Variants in PMM2 observed in about 807,000 individuals in gnomAD.
The protein encoded by PMM2 is mannose-6-phosphate isomerase.
A neutral mutation model predicts 33.2 loss-of-function variants in PMM2; 35 were observed. That is an observed-to-expected ratio of 1.06 (90% CI 0.81 to 1.40). PMM2 has a LOEUF of 1.40. Among genes scored for constraint, PMM2 ranks in the 40% most tolerant of loss-of-function variants. The pLI is 0.00. For missense variants in PMM2, 386 were observed against 306.0 expected, an observed-to-expected ratio of 1.26 and a Z score of -1.95; for synonymous variants, 153 against 114.7, an observed-to-expected ratio of 1.33 and a Z score of -2.13.
At chr16:8,838,406 G>A (rs561113069) in intron 7 of PMM2, among the ~76,000 whole-genome samples, 2 of 152,132 alleles carry the variant, frequency 1.3e-5, no homozygotes, top group African/African-American at 4.8e-5. Flanking sequence ...TGACATTCCT[G>A]CCTTCTTATG....
Position 8,825,120 on chromosome 16 carries a change from T to G in PMM2, c.639+12014T>G, listed in dbSNP as rs375725139. ...ATCTCAGCTCACTGCAAGCTCTATC[T>G]CCTGGGTTCATGCCATTCTCCTGCT... On this transcript the variant is annotated intron_variant, in intron 7 of 7. Transcript: ENST00000268261. Among the ~76,000 whole-genome samples, 57 of 152,308 alleles carry G rather than the reference T, an allele frequency of 3.7e-4. No homozygotes were observed. The East Asian group carries it at 4.1e-3, about 11-fold the overall frequency.
chr16:8,840,847 A>G (rs2060885316), intron 7 of PMM2, among the ~76,000 whole-genome samples: 1 of 151,926 alleles, frequency 6.6e-6, no homozygotes, highest in Non-Finnish European at 1.5e-5. Flanking sequence ...TCGTCCAGCT[A>G]GGGTGTCTTC....
At chr16:8,822,265 CTG>C (rs2060743119) in intron 7 of PMM2, among the ~76,000 whole-genome samples, 1 of 152,150 alleles carries the variant, frequency 6.6e-6, no homozygotes, top group South Asian at 2.1e-4. Context: ...GATTACCTGT[CTG>C]TGTGGCATCA....
At chr16:8,813,852 T>C (rs2060691688) in intron 7 of PMM2, among the ~76,000 whole-genome samples, 1 of 129,674 alleles carries the variant, frequency 7.7e-6, no homozygotes, top group African/African-American at 2.8e-5. Flanking sequence ...GCTCCTTTTC[T>C]TTCTCTTTTT....
intron 7 of PMM2, among the ~76,000 whole-genome samples, chr16:8,836,042 GT>G (rs2060843713): frequency 6.7e-6 from 1 of 150,304 alleles, no homozygotes; most frequent in Admixed American, 6.6e-5. Flanking sequence ...GCTTAAAAGA[GT>G]AATGTCTAAA....
At chr16:8,811,043 G>GT in intron 4 of PMM2, 36 bp from the exon 5 acceptor site, 1 of 1,282,852 alleles carries the variant, frequency 7.8e-7, no homozygotes, top group Non-Finnish European at 1.1e-6. Context: ...TGAATAACGT[G>GT]TTTTTGGAGA....
At chr16:8,826,513 C>G (rs1220182823) in intron 7 of PMM2, among the ~76,000 whole-genome samples, 1 of 152,176 alleles carries the variant, frequency 6.6e-6, no homozygotes, top group East Asian at 1.9e-4. Flanking sequence ...CACTTATGAC[C>G]TTAAAGCATC....
chr16:8,846,313 G>A (rs886198088), intron 7 of PMM2, among the ~76,000 whole-genome samples: 65 of 152,254 alleles, frequency 4.3e-4, no homozygotes, highest in African/African-American at 1.4e-3. Context: ...TGGTTTCCAC[G>A]TTGGCTTCAT....
chr16:8,826,299 A>T (rs1278014908), intron 7 of PMM2, among the ~76,000 whole-genome samples: 3 of 152,188 alleles, frequency 2.0e-5, no homozygotes, highest in Non-Finnish European at 4.4e-5. Flanking sequence ...TTCTCTTTTA[A>T]AAAAACCCAT....
At chr16:8,804,031 G>GTTTTTTGTTTT (rs778630854) in intron 2 of PMM2, among the ~76,000 whole-genome samples, 4 of 87,488 alleles carry the variant, frequency 4.6e-5, no homozygotes, top group Admixed American at 1.2e-4. Context: ...GGTTTTTTTT[G>GTTTTTTGTTTT]TTTTTTTTTT....
chr16:8,826,101 C>T (rs1221917363), intron 7 of PMM2, among the ~76,000 whole-genome samples: 2 of 152,176 alleles, frequency 1.3e-5, no homozygotes, highest in Non-Finnish European at 2.9e-5. Context: ...GGCCCTGCAT[C>T]AGTATGCTTT....
At chr16:8,846,112 A>G (rs530499204) in intron 7 of PMM2, among the ~76,000 whole-genome samples, 16 of 152,270 alleles carry the variant, frequency 1.1e-4, no homozygotes, top group African/African-American at 3.6e-4. Context: ...AAGAGATGCC[A>G]AGTTCATGGC....
At chr16:8,801,001 T>A (rs1240854449) in intron 1 of PMM2, among the ~76,000 whole-genome samples, 1 of 152,166 alleles carries the variant, frequency 6.6e-6, no homozygotes, top group Admixed American at 6.6e-5. Context: ...CCTCTTTAAT[T>A]TCATTATGTT....
chr16:8,841,516 T>G (rs2060890931), intron 7 of PMM2, among the ~76,000 whole-genome samples: 9 of 133,858 alleles, frequency 6.7e-5, no homozygotes, highest in Non-Finnish European at 9.7e-5. Context: ...CCCTGAGGAG[T>G]AGTAGAATAG....
intron 7 of PMM2, among the ~76,000 whole-genome samples, chr16:8,821,697 A>G (rs868312882): frequency 1.3e-5 from 2 of 152,226 alleles, no homozygotes; most frequent in Non-Finnish European, 1.5e-5. Flanking sequence ...CCCTAGGGCC[A>G]CTAGCCCCTT....
At chr16:8,828,509 C>G (rs1473502496) in intron 7 of PMM2, among the ~76,000 whole-genome samples, 1 of 152,160 alleles carries the variant, frequency 6.6e-6, no homozygotes, top group African/African-American at 2.4e-5. Flanking sequence ...ATTCTTAAGG[C>G]TAGACATGAC....
intron 1 of PMM2, 75 bp downstream of exon 1, chr16:8,798,023 C>A: frequency 6.9e-7 from 1 of 1,445,182 alleles, no homozygotes; most frequent in Non-Finnish European, 9.5e-7. Context: ...ATCGACCACC[C>A]AGGGTAGGCG....
At chr16:8,812,331 A>G (rs1291658685) in intron 6 of PMM2, among the ~76,000 whole-genome samples, 1 of 152,188 alleles carries the variant, frequency 6.6e-6, no homozygotes, top group Non-Finnish European at 1.5e-5. Context: ...TATTCCTGCC[A>G]AATGCTTTGC....
chr16:8,819,152 C>G (rs1312392259), intron 7 of PMM2, among the ~76,000 whole-genome samples: 3 of 152,226 alleles, frequency 2.0e-5, no homozygotes, highest in Non-Finnish European at 4.4e-5. Flanking sequence ...GTGTGAAAGA[C>G]TCACGCAGAG....
Sources: gnomAD v4.1 joint callset for allele counts (sites outside exome capture counted in the v4.1 genomes callset) on GRCh38, gnomAD v4.1.1 for gene constraint, MANE v1.5 for transcripts, NCBI Gene and HGNC (gene_info 2026-07-23, HGNC 2026-07-21) for gene names.